The following TTC33 variants were observed in gnomAD, a reference collection of about 807,000 sequenced individuals.
TTC33 encodes the protein tetratricopeptide repeat protein 33.
Under a neutral mutation model 29.4 loss-of-function variants are expected in TTC33, and 24 were observed. That is an observed-to-expected ratio of 0.82 (90% CI 0.59 to 1.15). The LOEUF is 1.15. Ranked by LOEUF, TTC33 falls within the 50% of genes most tolerant of loss-of-function variation. TTC33 has a pLI of 0.00. For missense variants in TTC33, 286 were observed against 310.4 expected (o/e 0.92, Z 0.59); for synonymous variants, 107 against 100.3 (o/e 1.07, Z -0.40).
intron 4 of TTC33, among the ~76,000 whole-genome samples, chr5:40,721,504 G>GA (rs1742134430): frequency 6.6e-6 from 1 of 152,260 alleles, no homozygotes; most frequent in South Asian, 2.1e-4. Flanking sequence ...TACATAATGA[G>GA]AAAAGTCTAG....
At chr5:40,717,130 G>A (rs1220170938) in intron 4 of TTC33, among the ~76,000 whole-genome samples, 1 of 150,996 alleles carries the variant, frequency 6.6e-6, no homozygotes, top group East Asian at 2.0e-4. Flanking sequence ...CCAGGAGGGT[G>A]AGGCAGGAGA....
intron 4 of TTC33, among the ~76,000 whole-genome samples, chr5:40,718,856 G>T (rs1316227595): frequency 6.6e-6 from 1 of 151,986 alleles, no homozygotes; most frequent in African/African-American, 2.4e-5. Flanking sequence ...AGCCAAGATG[G>T]TACCACTGCA....
intron 4 of TTC33, among the ~76,000 whole-genome samples, chr5:40,718,329 C>T (rs568591817): frequency 6.6e-6 from 1 of 151,974 alleles, no homozygotes; most frequent in African/African-American, 2.4e-5. Flanking sequence ...TTGTTTGAAC[C>T]CCGGAGGCAG....
At chr5:40,747,951 G>A (rs776225847) in intron 1 of TTC33, among the ~76,000 whole-genome samples, 3 of 151,754 alleles carry the variant, frequency 2.0e-5, no homozygotes, top group Non-Finnish European at 2.9e-5. Flanking sequence ...TCAGCCTCCC[G>A]AGTAGCTGGG....
chr5:40,737,016 T>C (rs1742567165), intron 2 of TTC33, among the ~76,000 whole-genome samples: 1 of 152,102 alleles, frequency 6.6e-6, no homozygotes, highest in African/African-American at 2.4e-5. Flanking sequence ...CCACTCAAGG[T>C]TGAGCATGGT....
At chr5:40,716,800 A>T (rs2111860570) in intron 4 of TTC33, among the ~76,000 whole-genome samples, 1 of 152,360 alleles carries the variant, frequency 6.6e-6, no homozygotes, top group African/African-American at 2.4e-5. Context: ...ACCAGTAAGT[A>T]TGTACATTTG....
chr5:40,728,693 A>T (rs1742354925), intron 3 of TTC33, among the ~76,000 whole-genome samples: 2 of 152,120 alleles, frequency 1.3e-5, no homozygotes, highest in Admixed American at 1.3e-4. Context: ...CTTTCCAGTT[A>T]TTGAATCTTA....
At chr5:40,740,587 A>C (rs1168828357) in intron 2 of TTC33, among the ~76,000 whole-genome samples, 1 of 152,204 alleles carries the variant, frequency 6.6e-6, no homozygotes, top group East Asian at 1.9e-4. Flanking sequence ...AAGTAGCAGA[A>C]ATAAGAAGAC....
At position 40,714,655 on chromosome 5, in the gene TTC33, T is replaced by C. The variant is rs1457402526; in HGVS notation, c.*1490A>G. 6.6e-6 allele frequency: 1 copy of C among 152,250 alleles called. No homozygotes were observed. Among genetic ancestry groups the C allele is most frequent in the Non-Finnish European group, 1.5e-5 (1 of 67,990 alleles). The allele number at this position is 152,250 out of a possible 1,614,324, so 9.4% of individuals were successfully genotyped here. ...TGGAGCACTCTGAAACTAACCTCTCTAACCAGAGCTAATTTTCTGATGATA... is the reference window on the plus strand; with the variant it reads ...TGGAGCACTCTGAAACTAACCTCTCCAACCAGAGCTAATTTTCTGATGATA... On this transcript the variant is annotated 3_prime_UTR_variant, in exon 5 of 5. Coordinates refer to ENST00000337702, the MANE Select transcript of TTC33 (RefSeq NM_012382.3).
chr5:40,752,063 T>C (rs1742906298), intron 1 of TTC33, among the ~76,000 whole-genome samples: 1 of 152,234 alleles, frequency 6.6e-6, no homozygotes, highest in Non-Finnish European at 1.5e-5. Context: ...TGCTTTACTT[T>C]GCACTTTCAT....
intron 2 of TTC33, among the ~76,000 whole-genome samples, chr5:40,735,986 T>C (rs1334605617): frequency 6.6e-6 from 1 of 152,188 alleles, no homozygotes; most frequent in African/African-American, 2.4e-5. Context: ...AGAAGCTTTT[T>C]AAATGGATGT....
At chr5:40,752,105 C>A (rs982022357) in intron 1 of TTC33, among the ~76,000 whole-genome samples, 1 of 152,156 alleles carries the variant, frequency 6.6e-6, no homozygotes, top group Non-Finnish European at 1.5e-5. Context: ...ACCTCACAAA[C>A]GAACCTCTAG....
chr5:40,733,466 TATAA>T (rs1231638012), intron 2 of TTC33, among the ~76,000 whole-genome samples: 2 of 152,238 alleles, frequency 1.3e-5, no homozygotes, highest in African/African-American at 4.8e-5. Context: ...AGGTTGTTTT[TATAA>T]ATAAAGTTTG....
chr5:40,755,524 C>G (rs959861724), intron 1 of TTC33, among the ~76,000 whole-genome samples: 1 of 152,216 alleles, frequency 6.6e-6, no homozygotes. Flanking sequence ...CGTCCCACCG[C>G]TCAGGGAAGG....
At chr5:40,719,557 G>C (rs531636878) in intron 4 of TTC33, among the ~76,000 whole-genome samples, 16 of 152,154 alleles carry the variant, frequency 1.1e-4, no homozygotes, top group African/African-American at 3.9e-4. Context: ...ATTTCTCTTG[G>C]GTATAAAGAG....
chr5:40,743,253 A>T (rs1388910301), intron 2 of TTC33, among the ~76,000 whole-genome samples: 1 of 152,314 alleles, frequency 6.6e-6, no homozygotes, highest in African/African-American at 2.4e-5. Flanking sequence ...GGACAGGAAG[A>T]CAGGCAGCAG....
intron 2 of TTC33, among the ~76,000 whole-genome samples, chr5:40,735,930 G>C (rs966140098): frequency 6.6e-6 from 1 of 152,220 alleles, no homozygotes; most frequent in African/African-American, 2.4e-5. Context: ...TCAAGAAATG[G>C]AGTTTGTAGT....
rs1742003257 is a variant in TTC33 at position 40,716,508 on chromosome 5, A to G, written c.436-10T>C. 2 of 1,567,952 alleles carry G rather than the reference A, an allele frequency of 1.3e-6. No individual in the cohort carries two copies. Among genetic ancestry groups the G allele is most frequent in the East Asian group, 4.5e-5 (2 of 44,574 alleles). On this transcript the variant is annotated splice_polypyrimidine_tract_variant and intron_variant, in intron 4 of 4. Transcript: ENST00000337702. ...GAAAACTTCGAATTGCCTAGAAAAT[A>G]AGGTCAGAGTTTTTTGTTTTGGTTT...
chr5:40,726,357 T>G (rs1350010207), intron 4 of TTC33, among the ~76,000 whole-genome samples: 2 of 151,882 alleles, frequency 1.3e-5, no homozygotes, highest in African/African-American at 4.8e-5. Flanking sequence ...TTCCTATGGT[T>G]TTAGTCCATA....
Sources: allele counts gnomAD v4.1 joint callset (sites outside exome capture counted in the v4.1 genomes callset), GRCh38; gene constraint gnomAD v4.1.1; transcripts MANE v1.5; gene names NCBI Gene and HGNC (gene_info 2026-07-23, HGNC 2026-07-21).